TNN: variants seen among roughly 807,000 people sequenced by gnomAD.
TNN encodes tenascin-N.
Under a neutral mutation model 134.4 loss-of-function variants are expected in TNN, and 122 were observed. The observed-to-expected ratio is 0.91, with a 90% CI of 0.78 to 1.06. TNN has a LOEUF of 1.06. Ranked by LOEUF, TNN falls within the 50% of genes least tolerant of loss-of-function variation. TNN has a pLI of 0.00. For missense variants in TNN, 1,739 were observed against 1,699.4 expected (o/e 1.02, Z -0.41); for synonymous variants, 710 against 670.3 (o/e 1.06, Z -0.91).
In TNN at chr1:175,090,706, G is replaced by A. The variant is rs190484908; in HGVS notation, c.1325-3284G>A. ...AATAAGCTTTCCTGATGTGAACAGAGCTTCTAATTAACCTCCTCCATATAC... is the reference window on the plus strand; with the variant it reads ...AATAAGCTTTCCTGATGTGAACAGAACTTCTAATTAACCTCCTCCATATAC... On this transcript the variant is annotated intron_variant, in intron 6 of 18. Transcript: ENST00000239462. Among the ~76,000 whole-genome samples the A allele has an allele frequency of 5.0e-4, 76 of 152,348 alleles. 1 individual carries two copies. The East Asian group carries it at 9.4e-3, about 19-fold the overall frequency.
chr1:175,107,318 T>C (rs1393231969), intron 9 of TNN, among the ~76,000 whole-genome samples: 2 of 142,730 alleles, frequency 1.4e-5, no homozygotes, highest in Non-Finnish European at 3.1e-5. Context: ...TTACAGCTCT[T>C]AAGGTGGCGC....
At chr1:175,068,784 T>C (rs544796448) in intron 1 of TNN, among the ~76,000 whole-genome samples, 130 of 152,292 alleles carry the variant, frequency 8.5e-4, no homozygotes, top group Non-Finnish European at 1.5e-4. Flanking sequence ...GGCGCATGCC[T>C]ATAATCCCAG....
intron 9 of TNN, among the ~76,000 whole-genome samples, chr1:175,112,023 ACTAT>A (rs1675041542): frequency 1.3e-5 from 2 of 152,128 alleles, no homozygotes; most frequent in African/African-American, 2.4e-5. Context: ...GACTTCCAGT[ACTAT>A]GTTGAATAAG....
Position 175,084,032 on chromosome 1 carries a change from C to A in TNN, c.1234+97C>A, listed in dbSNP as rs1674268670. The A allele has an allele frequency of 4.0e-6, 5 of 1,264,804 alleles. No individual in the cohort carries two copies. In the South Asian group the frequency reaches 7.1e-5, roughly 18 times the overall value. 78.3% of individuals were successfully genotyped at this position (1,264,804 alleles called of 1,614,324 possible). Reference sequence around the variant, plus strand: ...CTGGCATCTGCACTGCTCAAGTGTGCACAGACAGCCCAGGGGCCTTAGGAA... The same window carrying A: ...CTGGCATCTGCACTGCTCAAGTGTGAACAGACAGCCCAGGGGCCTTAGGAA... On this transcript the variant is annotated intron_variant, in intron 5 of 18. Transcript: ENST00000239462.
chr1:175,067,983 G>A, intron 1 of TNN, 48 bp downstream of exon 1: 1 of 457,836 alleles, frequency 2.2e-6, no homozygotes, highest in Non-Finnish European at 4.4e-6. Flanking sequence ...GGAGGGAGGT[G>A]GCCAATGCAG....
In TNN at chr1:175,079,494, C is replaced by G; in HGVS notation, c.571C>G (p.Pro191Ala). 1 of 1,562,516 alleles carries G rather than the reference C, an allele frequency of 6.4e-7. No homozygotes were observed. Among genetic ancestry groups the G allele is most frequent in the Non-Finnish European group, 8.7e-7 (1 of 1,155,164 alleles). Residue 191 changes from proline (P) to alanine (A), a missense_variant, in exon 3 of 19, where the codon CCC (proline) becomes GCC (alanine). Transcript: ENST00000239462. ...CVDGRCLCHE[P>A]YVGADCGYPA... Reference sequence around the variant, plus strand: ...GGACGGGCGCTGCCTGTGCCATGAGCCCTACGTGGGTGCCGACTGCGGCTA... The same window carrying G: ...GGACGGGCGCTGCCTGTGCCATGAGGCCTACGTGGGTGCCGACTGCGGCTA...
At chr1:175,090,548 G>C (rs1375704537) in intron 6 of TNN, among the ~76,000 whole-genome samples, 1 of 152,166 alleles carries the variant, frequency 6.6e-6, no homozygotes, top group South Asian at 2.1e-4. Flanking sequence ...GGTGGAAATT[G>C]TGAGTGGAGA....
intron 9 of TNN, among the ~76,000 whole-genome samples, chr1:175,112,051 G>T (rs1482172719): frequency 2.6e-5 from 4 of 152,024 alleles, no homozygotes; most frequent in Non-Finnish European, 5.9e-5. Context: ...GGTAAGAGTG[G>T]TCATCCTTGT....
intron 9 of TNN, among the ~76,000 whole-genome samples, chr1:175,103,484 T>C (rs1674780650): frequency 6.9e-6 from 1 of 145,824 alleles, no homozygotes; most frequent in South Asian, 2.3e-4. Context: ...GAGGCAGATA[T>C]GGGTTGAAGA....
intron 1 of TNN, among the ~76,000 whole-genome samples, chr1:175,070,502 C>T (rs1175178943): frequency 1.3e-5 from 2 of 152,184 alleles, no homozygotes; most frequent in Non-Finnish European, 2.9e-5. Flanking sequence ...TTCCTGGACA[C>T]TCCCTGGGTA....
At chr1:175,132,383 T>C (rs562433346) in intron 15 of TNN, among the ~76,000 whole-genome samples, 3 of 152,308 alleles carry the variant, frequency 2.0e-5, no homozygotes, top group Admixed American at 2.0e-4. Flanking sequence ...TCATAAATAC[T>C]TGCTCCAGGG....
intron 1 of TNN, among the ~76,000 whole-genome samples, chr1:175,070,315 T>C (rs1673886167): frequency 6.6e-6 from 1 of 152,178 alleles, no homozygotes; most frequent in Non-Finnish European, 1.5e-5. Context: ...AAGAGTCAGT[T>C]GTCAAAACAA....
chr1:175,098,950 T>C (rs1003905942), intron 9 of TNN, among the ~76,000 whole-genome samples: 1 of 152,234 alleles, frequency 6.6e-6, no homozygotes, highest in Non-Finnish European at 1.5e-5. Flanking sequence ...GATCAATCCC[T>C]TAAAAAAAAT....
intron 11 of TNN, among the ~76,000 whole-genome samples, 191 bp from the exon 12 acceptor site, chr1:175,123,209 G>A (rs1486826321): frequency 6.6e-6 from 1 of 152,162 alleles, no homozygotes; most frequent in African/African-American, 2.4e-5. Context: ...GAGATGATCT[G>A]ATTCCTTCCA....
At chr1:175,142,553 G>A (rs1317001269) in intron 17 of TNN, among the ~76,000 whole-genome samples, 1 of 152,184 alleles carries the variant, frequency 6.6e-6, no homozygotes, top group Non-Finnish European at 1.5e-5. Context: ...AGGTTGCCGG[G>A]GCCCAACCTG....
chr1:175,144,471 C>T lies in TNN; in HGVS notation c.3680C>T (p.Thr1227Ile), dbSNP rs78262989. The change falls in exon 18 of 19, where the codon ACA becomes ATA. Residue 1227 changes from threonine (T) to isoleucine (I), a missense_variant. By Grantham distance (89) the Thr-to-Ile change is moderately conservative (BLOSUM62 -1). Transcript: ENST00000239462. Reference protein sequence around the residue: ...NDIALSNCALTHHGGWWYKNC... With the variant: ...NDIALSNCALIHHGGWWYKNC... Reference sequence around the variant, plus strand: ...ATCGCACTCAGCAACTGTGCCCTGACACATCATGGTGGCTGGTGGTATAAG... The same window carrying T: ...ATCGCACTCAGCAACTGTGCCCTGATACATCATGGTGGCTGGTGGTATAAG... 1.2e-4 allele frequency: 186 copies of T among 1,614,238 alleles called. No individual in the cohort carries two copies. The African/African-American group carries it at 2.3e-3, about 20-fold the overall frequency.
intron 9 of TNN, among the ~76,000 whole-genome samples, chr1:175,106,786 C>A (rs1674866742): frequency 6.9e-6 from 1 of 145,652 alleles, no homozygotes; most frequent in African/African-American, 2.5e-5. Context: ...CAACCCACGG[C>A]TCAGCCCAGA....
At chr1:175,090,010 A>G (rs778208302) in intron 6 of TNN, among the ~76,000 whole-genome samples, 17 of 152,224 alleles carry the variant, frequency 1.1e-4, no homozygotes, top group Non-Finnish European at 2.2e-4. Context: ...GACAACAGCA[A>G]CAATCTCTAT....
At chr1:175,082,429 T>A (rs1674219566) in intron 4 of TNN, among the ~76,000 whole-genome samples, 1 of 152,160 alleles carries the variant, frequency 6.6e-6, no homozygotes, top group Non-Finnish European at 1.5e-5. Flanking sequence ...GCTTTTTCAT[T>A]TGTGATTCCC....
Sources: allele counts gnomAD v4.1 joint callset (sites outside exome capture counted in the v4.1 genomes callset), GRCh38; gene constraint gnomAD v4.1.1; transcripts MANE v1.5; gene names NCBI Gene and HGNC (gene_info 2026-07-23, HGNC 2026-07-21).